The following GOLGA8B variants were observed in gnomAD, a reference collection of about 807,000 sequenced individuals.
GOLGA8B encodes the protein golgin A8 family member B.
A neutral mutation model predicts 15.6 loss-of-function variants in GOLGA8B; 1 was observed. The ratio of observed to expected loss-of-function variants is 0.06; its 90% CI spans 0.02 to 0.30. The LOEUF (loss-of-function observed/expected upper bound fraction) is 0.30. Ranked by LOEUF, GOLGA8B falls within the 10% of genes least tolerant of loss-of-function variation. GOLGA8B has a pLI of 1.00. For synonymous variants in GOLGA8B, 9 were observed against 80.3 expected (o/e 0.11, Z 4.75); for missense variants, 17 against 201.3 (o/e 0.08, Z 5.54).
chr15:34,571,789 C>A (rs79933144), intron 1 of GOLGA8B, among the ~76,000 whole-genome samples: 6,235 of 141,238 alleles, frequency 0.044, no homozygotes, highest in South Asian at 0.13. Flanking sequence ...ATACAAAATT[C>A]AGGAGTAATT....
chr15:34,577,504 TCATACACACACA>T (rs1270374523), intron 1 of GOLGA8B, among the ~76,000 whole-genome samples: 23 of 100,624 alleles, frequency 2.3e-4, no homozygotes, highest in Non-Finnish European at 4.0e-4. Context: ...AAATTATATA[TCATACACACACA>T]CACACACACA....
intron 1 of GOLGA8B, among the ~76,000 whole-genome samples, chr15:34,575,949 C>G (rs958666370): frequency 1.3e-5 from 2 of 152,192 alleles, no homozygotes; most frequent in African/African-American, 4.8e-5. Flanking sequence ...GGACAGTGCT[C>G]CAGGCAAAGG....
At chr15:34,577,618 T>A (rs1889118940) in intron 1 of GOLGA8B, among the ~76,000 whole-genome samples, 1 of 151,624 alleles carries the variant, frequency 6.6e-6, no homozygotes, top group Non-Finnish European at 1.5e-5. Flanking sequence ...GGCAATTTCA[T>A]CATTATGAGA....
intron 11 of GOLGA8B, among the ~76,000 whole-genome samples, chr15:34,532,381 C>T (rs1183825361): frequency 2.4e-5 from 2 of 84,510 alleles, no homozygotes; most frequent in African/African-American, 5.8e-5. Flanking sequence ...AAAGAACAGA[C>T]AAGAGCCCTT....
intron 1 of GOLGA8B, among the ~76,000 whole-genome samples, chr15:34,574,674 G>A (rs1299583968): frequency 2.0e-5 from 3 of 152,142 alleles, no homozygotes; most frequent in African/African-American, 7.2e-5. Context: ...AAGTAACAAA[G>A]GTAGCCTCAG....
intron 1 of GOLGA8B, among the ~76,000 whole-genome samples, chr15:34,572,221 G>C (rs78992528): frequency 6.6e-6 from 1 of 152,214 alleles, no homozygotes; most frequent in Admixed American, 6.5e-5. Context: ...GCATCATTTA[G>C]AATGGTCACC....
chr15:34,572,821 GATCT>G (rs1888957529), intron 1 of GOLGA8B, among the ~76,000 whole-genome samples: 1 of 152,194 alleles, frequency 6.6e-6, no homozygotes, highest in Non-Finnish European at 1.5e-5. Flanking sequence ...GTGTTATATA[GATCT>G]ATCATATGTT....
chr15:34,557,718 C>A (rs1183823810), intron 1 of GOLGA8B, among the ~76,000 whole-genome samples: 13 of 90,020 alleles, frequency 1.4e-4, no homozygotes, highest in African/African-American at 4.5e-4. Context: ...GAATGGAAAT[C>A]ATATTGACTC....
At chr15:34,532,118 G>A (rs1277419108) in intron 11 of GOLGA8B, 119 bp from the exon 12 acceptor site, 1 of 275,270 alleles carries the variant, frequency 3.6e-6, no homozygotes, top group African/African-American at 2.8e-5. Context: ...CAGACCCAAT[G>A]GGAACAGGAA....
chr15:34,527,432 G>A lies in GOLGA8B; in HGVS notation c.*200C>T, dbSNP rs1888082682. The A allele has an allele frequency of 1.4e-5, 9 of 664,408 alleles. 2 individuals are homozygous for A. The highest frequency in any genetic ancestry group is 1.4e-4 in the South Asian group (6 of 44,436). 41.2% of individuals were successfully genotyped at this position (664,408 alleles called of 1,614,324 possible). ...AAAAGAAAAATGCTAAAGGATGCCA[G>A]AGTGAACATCAGTGAGAGGCACAGA... On this transcript the variant is annotated 3_prime_UTR_variant, in exon 24 of 24. Coordinates refer to ENST00000683415, the MANE Select transcript of GOLGA8B (RefSeq NM_001023567.5).
chr15:34,560,999 G>GT (rs1054777135), intron 1 of GOLGA8B, among the ~76,000 whole-genome samples: 2 of 145,720 alleles, frequency 1.4e-5, no homozygotes, highest in African/African-American at 5.1e-5. Context: ...TCTGGGGGCT[G>GT]TAAGCGGCGG....
At chr15:34,579,627 T>C (rs1249643043) in intron 1 of GOLGA8B, among the ~76,000 whole-genome samples, 1 of 152,208 alleles carries the variant, frequency 6.6e-6, no homozygotes, top group Non-Finnish European at 1.5e-5. Context: ...ACAGTACAAC[T>C]CTGCAGCTCT....
At chr15:34,575,106 T>TAAAAA (rs67726333) in intron 1 of GOLGA8B, among the ~76,000 whole-genome samples, 41,196 of 137,108 alleles carry the variant, frequency 0.3, 6,384 homozygotes, top group Non-Finnish European at 0.34. Flanking sequence ...TAAATCCTTG[T>TAAAAA]AAAAAAAAAA....
intron 1 of GOLGA8B, among the ~76,000 whole-genome samples, chr15:34,572,346 C>T (rs62006255): frequency 6.6e-6 from 1 of 151,942 alleles, no homozygotes; most frequent in Non-Finnish European, 1.5e-5. Flanking sequence ...CACGCAGATG[C>T]AAGGGTTTAA....
intron 1 of GOLGA8B, among the ~76,000 whole-genome samples, chr15:34,571,839 AT>A (rs1888922314): frequency 6.6e-6 from 1 of 152,008 alleles, no homozygotes; most frequent in South Asian, 2.1e-4. Flanking sequence ...AAATTTCCAA[AT>A]TTTTACATTG....
intron 1 of GOLGA8B, among the ~76,000 whole-genome samples, chr15:34,554,540 ACACAC>A (rs1888442107): frequency 8.0e-6 from 1 of 125,052 alleles, no homozygotes; most frequent in Non-Finnish European, 1.7e-5. Flanking sequence ...TACACTCCAC[ACACAC>A]CACACATCAC....
chr15:34,580,532 C>T (rs1889200449), intron 1 of GOLGA8B, among the ~76,000 whole-genome samples: 1 of 152,148 alleles, frequency 6.6e-6, no homozygotes. Flanking sequence ...ACCTAACTCC[C>T]GGGCCTCCCT....
chr15:34,527,924 CCAT>C lies in GOLGA8B; in HGVS notation c.1604_1606del (p.His535_Gly536delinsArg). ...CCCCGCCTGGGGGCTCTACTCACCA[CCAT>C]GCTTGTCGGCAGCCCCGAGCTCCTG... On this transcript the variant is annotated inframe_deletion, in exon 23 of 24. Transcript: ENST00000683415. The C allele has an allele frequency of 7.1e-7, 1 of 1,406,640 alleles. No individual in the cohort carries two copies. The highest frequency in any genetic ancestry group is 1.3e-5 in the South Asian group (1 of 79,036). 87.1% of individuals were successfully genotyped at this position (1,406,640 alleles called of 1,614,324 possible). A position where few individuals can be genotyped will look rare whatever the true frequency, so the allele number is the denominator to read the frequency against.
chr15:34,580,774 C>T (rs1386955242), intron 1 of GOLGA8B, among the ~76,000 whole-genome samples: 2 of 152,168 alleles, frequency 1.3e-5, no homozygotes, highest in Non-Finnish European at 2.9e-5. Flanking sequence ...ACATTGAGCA[C>T]CCCCAGCCCC....
Sources: allele counts gnomAD v4.1 joint callset (sites outside exome capture counted in the v4.1 genomes callset), GRCh38; gene constraint gnomAD v4.1.1; transcripts MANE v1.5; gene names NCBI Gene and HGNC (gene_info 2026-07-23, HGNC 2026-07-21).